The following GSE1 variants were observed in gnomAD, a reference collection of about 807,000 sequenced individuals.
GSE1 encodes the protein genetic suppressor element 1.
A neutral mutation model predicts 112.6 loss-of-function variants in GSE1; 32 were observed. The ratio of observed to expected loss-of-function variants is 0.28; its 90% CI spans 0.21 to 0.38. The LOEUF (loss-of-function observed/expected upper bound fraction) is 0.38. Ranked by LOEUF, GSE1 falls within the 10% of genes least tolerant of loss-of-function variation. The probability of loss-of-function intolerance (pLI) is 1.00; values close to 1 mark genes in which losing one functional copy is unlikely to be tolerated. For missense variants in GSE1, 2,348 were observed against 1,699.2 expected (o/e 1.38, Z -6.71); for synonymous variants, 1,115 against 735.6 (o/e 1.52, Z -8.35).
intron 1 of GSE1, among the ~76,000 whole-genome samples, chr16:85,561,125 G>A (rs949726100): frequency 1.1e-4 from 16 of 150,264 alleles, no homozygotes; most frequent in Non-Finnish European, 1.6e-4. Context: ...GTGAGACCTT[G>A]TCTCAAAAAA....
chr16:85,301,414 A>G (rs2045521893), intron 1 of GSE1, among the ~76,000 whole-genome samples: 1 of 152,158 alleles, frequency 6.6e-6, no homozygotes, highest in Non-Finnish European at 1.5e-5. Flanking sequence ...TTTCCAGGAA[A>G]CATGATCTCC....
intron 2 of GSE1, among the ~76,000 whole-genome samples, chr16:85,392,121 C>T (rs959944787): frequency 6.6e-6 from 1 of 152,156 alleles, no homozygotes; most frequent in African/African-American, 2.4e-5. Context: ...CCCAGATCAT[C>T]TCCCTGCCCT....
rs12929332 is a variant in GSE1, at chr16:85,311,920, C to G, written c.2284-45543C>G. Among the ~76,000 whole-genome samples, 4,020 of 152,284 alleles carry G rather than the reference C, an allele frequency of 0.026. 69 individuals carry two copies. Among genetic ancestry groups the G allele is most frequent in the East Asian group, 0.052 (267 of 5,168 alleles). ...AGTCCCTGCCTTCCCGGGTTCCCTC[C>G]GCCGGCCCAGCACTGCCCAGCCCCA... On this transcript the variant is annotated intron_variant, in intron 1 of 2. Transcript: ENST00000637419. This position sits in a 1 kb window ranked among gnomAD's most constrained non-coding sequence, Gnocchi z 4.2.
At chr16:85,249,393 G>C (rs74031745) in intron 1 of GSE1, among the ~76,000 whole-genome samples, 1 of 152,240 alleles carries the variant, frequency 6.6e-6, no homozygotes, top group Non-Finnish European at 1.5e-5. Context: ...AGGCCCAGTC[G>C]GGCCAGCACT....
At chr16:85,515,023 CTGTG>C (rs367745159) in intron 2 of GSE1, among the ~76,000 whole-genome samples, 13 of 152,250 alleles carry the variant, frequency 8.5e-5, no homozygotes, top group African/African-American at 2.2e-4. Context: ...ATGTGAATAT[CTGTG>C]TGGGTGGATG....
intron 1 of GSE1, among the ~76,000 whole-genome samples, chr16:85,629,600 C>T (rs549257988): frequency 6.6e-6 from 1 of 152,232 alleles, no homozygotes. Context: ...GACCTGGGCT[C>T]CAAGCCTGCC....
upstream of GSE1, among the ~76,000 whole-genome samples, chr16:85,551,637 C>G (rs1292638456): frequency 6.6e-6 from 1 of 152,230 alleles, no homozygotes; most frequent in African/African-American, 2.4e-5. Context: ...GGTGTAACCA[C>G]CCTCCCATAG....
At chr16:85,432,978 TG>T (rs1010628004) in intron 2 of GSE1, among the ~76,000 whole-genome samples, 10 of 152,120 alleles carry the variant, frequency 6.6e-5, no homozygotes, top group African/African-American at 2.4e-4. Flanking sequence ...GGTCACACTG[TG>T]GATGGAAGAG....
intron 1 of GSE1, among the ~76,000 whole-genome samples, chr16:85,581,757 C>T (rs2046457797): frequency 6.6e-6 from 1 of 152,176 alleles, no homozygotes; most frequent in Non-Finnish European, 1.5e-5. Context: ...GCTCGCCCTT[C>T]CTTGAGAGGA....
In GSE1 at chr16:85,248,237, G is replaced by A. The variant is rs559972235; in HGVS notation, c.2283+76430G>A. The stretch of plus-strand genomic sequence containing the variant: ...TCTTCACAGCTGCCTACTCCGCCTC[G>A]GCCTCCCTCTGCCTCCCTTTACCTT... On this transcript the variant is annotated intron_variant, in intron 1 of 2. Coordinates refer to the GSE1 transcript ENST00000637419. 2.0e-4 allele frequency among the ~76,000 whole-genome samples: 30 copies of A among 152,172 alleles called. No homozygotes were observed. The East Asian group carries it at 5.6e-3, about 28-fold the overall frequency.
intron 1 of GSE1, among the ~76,000 whole-genome samples, chr16:85,251,828 G>A (rs1906516877): frequency 1.3e-5 from 2 of 152,220 alleles, no homozygotes; most frequent in Admixed American, 1.3e-4. Flanking sequence ...TGCATTAGGG[G>A]GCTGCACACA....
chr16:85,466,123 G>A (rs1371745740), intron 2 of GSE1, among the ~76,000 whole-genome samples: 3 of 152,214 alleles, frequency 2.0e-5, no homozygotes, highest in African/African-American at 4.8e-5. Flanking sequence ...GTGAGAACAC[G>A]GGCACTTTGA....
intron 1 of GSE1, among the ~76,000 whole-genome samples, chr16:85,353,283 G>A (rs982598034): frequency 6.6e-6 from 1 of 152,218 alleles, no homozygotes; most frequent in Non-Finnish European, 1.5e-5. Context: ...TCATTTGTCT[G>A]TAGGACTGAG....
intron 1 of GSE1, among the ~76,000 whole-genome samples, chr16:85,253,292 G>C (rs375381990): frequency 6.6e-6 from 1 of 152,138 alleles, no homozygotes; most frequent in Non-Finnish European, 1.5e-5. Flanking sequence ...CTGCAACCCC[G>C]CTTGCTTGGG....
intron 2 of GSE1, among the ~76,000 whole-genome samples, chr16:85,635,484 T>G (rs1050392251): frequency 6.7e-6 from 1 of 150,272 alleles, no homozygotes; most frequent in Non-Finnish European, 1.5e-5. Context: ...GCAGACTGCC[T>G]GCCTGGTGGA....
intron 1 of GSE1, among the ~76,000 whole-genome samples, chr16:85,264,188 C>T (rs777791069): frequency 2.0e-5 from 3 of 152,152 alleles, no homozygotes; most frequent in Non-Finnish European, 2.9e-5. Flanking sequence ...GAGTGGGCCC[C>T]TCTCAGAGGG....
At chr16:85,620,245 G>A (rs1045536509) in intron 1 of GSE1, among the ~76,000 whole-genome samples, 1 of 152,138 alleles carries the variant, frequency 6.6e-6, no homozygotes, top group South Asian at 2.1e-4. Flanking sequence ...AGCTGTGATC[G>A]CACCACTGCA....
chr16:85,259,288 A>G (rs1292415346), intron 1 of GSE1, among the ~76,000 whole-genome samples: 2 of 73,642 alleles, frequency 2.7e-5, no homozygotes, highest in African/African-American at 5.9e-5. Context: ...ACCCTGGCCC[A>G]CCCTGTGCTC....
chr16:85,392,900 C>T (rs2047875395), intron 2 of GSE1, among the ~76,000 whole-genome samples: 1 of 152,232 alleles, frequency 6.6e-6, no homozygotes, highest in African/African-American at 2.4e-5. Context: ...TCCATCCACC[C>T]AGAGGCAGAG....
Sources: gnomAD v4.1 joint callset for allele counts (sites outside exome capture counted in the v4.1 genomes callset) on GRCh38, gnomAD v4.1.1 for gene constraint, Gnocchi (gnomAD v3.1) non-coding constraint, MANE v1.5 for transcripts, NCBI Gene and HGNC (gene_info 2026-07-23, HGNC 2026-07-21) for gene names.